The following TBCE variants were observed in gnomAD, a reference collection of about 807,000 sequenced individuals.
TBCE encodes tubulin-specific chaperone E.
Under a neutral mutation model 77.0 loss-of-function variants are expected in TBCE, and 53 were observed. The ratio of observed to expected loss-of-function variants is 0.69; its 90% CI spans 0.55 to 0.87. TBCE has a LOEUF of 0.87. TBCE is among the 40% of genes least tolerant of loss of function. TBCE has a pLI of 0.00. For missense variants in TBCE, 624 were observed against 622.4 expected, an observed-to-expected ratio of 1.00 and a Z score of -0.03; for synonymous variants, 235 against 241.3, an observed-to-expected ratio of 0.97 and a Z score of 0.24.
At chr1:235,438,644 A>T in intron 12 of TBCE, 125 bp from the exon 13 acceptor site, 1 of 1,117,386 alleles carries the variant, frequency 8.9e-7, no homozygotes, top group Non-Finnish European at 1.3e-6. Context: ...TGAAAACTAG[A>T]TCTTGTCCCT....
intron 4 of TBCE, chr1:235,418,383 G>A (rs1421596120): frequency 6.6e-6 from 1 of 152,212 alleles, no homozygotes; most frequent in African/African-American, 2.4e-5. Flanking sequence ...AGGAGATGGT[G>A]GAATTGGGAT....
intron 2 of TBCE, among the ~76,000 whole-genome samples, chr1:235,396,397 G>A (rs1678721272): frequency 6.6e-6 from 1 of 152,180 alleles, no homozygotes; most frequent in Non-Finnish European, 1.5e-5. Context: ...TCTGTTGATG[G>A]ACACTTAGGT....
At chr1:235,438,276 G>A (rs1444003981) in intron 12 of TBCE, among the ~76,000 whole-genome samples, 3 of 152,292 alleles carry the variant, frequency 2.0e-5, no homozygotes, top group African/African-American at 4.8e-5. Flanking sequence ...GGCCAGGCAC[G>A]GTGGCTGACA....
At chr1:235,406,023 G>A (rs1387242304) in intron 3 of TBCE, among the ~76,000 whole-genome samples, 1 of 152,186 alleles carries the variant, frequency 6.6e-6, no homozygotes, top group East Asian at 1.9e-4. Flanking sequence ...ATATCGTCTA[G>A]TGTTGTGTTG....
chr1:235,410,941 GAA>G (rs1158361816), intron 3 of TBCE, among the ~76,000 whole-genome samples: 1 of 152,162 alleles, frequency 6.6e-6, no homozygotes, highest in Non-Finnish European at 1.5e-5. Flanking sequence ...TTCAGTTTAA[GAA>G]AACATTTAGT....
At chr1:235,426,073 T>C (rs1448293693) in intron 5 of TBCE, among the ~76,000 whole-genome samples, 1 of 152,184 alleles carries the variant, frequency 6.6e-6, no homozygotes, top group African/African-American at 2.4e-5. Flanking sequence ...ACGAGTGCAT[T>C]GAATAATTTC....
At position 235,439,676 on chromosome 1, in the gene TBCE, C is replaced by T. The variant is rs193014038; in HGVS notation, c.1270+754C>T. Among the ~76,000 whole-genome samples the T allele has an allele frequency of 1.1e-3, 168 of 151,056 alleles. 1 individual carries two copies. The highest frequency in any genetic ancestry group is 6.9e-3 in the Middle Eastern group (2 of 290). On this transcript the variant is annotated intron_variant, in intron 13 of 16. Coordinates refer to ENST00000642610, the MANE Select transcript of TBCE (RefSeq NM_003193.5). ...CTAATTTTTGTATTTTTAGTAGAGA[C>T]GGGGTTTCACCATATTGGCCAGGCT... is the stretch of plus-strand genomic sequence containing the variant.
At chr1:235,376,108 A>G (rs1417299883) in intron 1 of TBCE, among the ~76,000 whole-genome samples, 1 of 152,134 alleles carries the variant, frequency 6.6e-6, no homozygotes, top group African/African-American at 2.4e-5. Context: ...CTTAGACCTT[A>G]TACCTAATGA....
At chr1:235,436,727 T>A (rs916581847) in intron 11 of TBCE, 119 bp downstream of exon 11, 1 of 996,596 alleles carries the variant, frequency 1.0e-6, no homozygotes, top group African/African-American at 1.6e-5. Flanking sequence ...GAGAAATACC[T>A]CCTCAGAGTG....
chr1:235,385,884 C>T (rs911063007), intron 2 of TBCE, among the ~76,000 whole-genome samples: 3 of 152,038 alleles, frequency 2.0e-5, no homozygotes, highest in Non-Finnish European at 2.9e-5. Flanking sequence ...TTATTTTGCT[C>T]GTTAGTTGAT....
At chr1:235,432,621 G>T (rs999236394) in intron 7 of TBCE, among the ~76,000 whole-genome samples, 4 of 152,094 alleles carry the variant, frequency 2.6e-5, no homozygotes, top group Non-Finnish European at 4.4e-5. Context: ...CTCCAGCCTG[G>T]GTGACAGAGC....
chr1:235,424,282 G>T (rs1221386516), intron 5 of TBCE, among the ~76,000 whole-genome samples: 3 of 151,478 alleles, frequency 2.0e-5, no homozygotes, highest in Non-Finnish European at 2.9e-5. Context: ...GCGGGTGGTG[G>T]CTGTCACTGC....
intron 3 of TBCE, among the ~76,000 whole-genome samples, chr1:235,412,721 A>G (rs1352692777): frequency 6.6e-6 from 1 of 152,206 alleles, no homozygotes; most frequent in Non-Finnish European, 1.5e-5. Context: ...ATCACTGTGA[A>G]CCCACATCTT....
Position 235,427,140 on chromosome 1 carries a change from A to C in TBCE, c.461A>C (p.Asn154Thr), listed in dbSNP as rs1385042309. 5.6e-6 allele frequency: 9 copies of C among 1,602,928 alleles called. No homozygotes were observed. Reference protein sequence around the residue: ...EKGGVAEACPNIRKVDLSKNL... With the variant: ...EKGGVAEACPTIRKVDLSKNL... ...ACTGTTTCTTAACATGTGCTTTTAG[A>C]TATCAGAAAGGTAGATTTGTCAAAA... Residue 154 changes from asparagine (N) to threonine (T), a missense_variant and splice_region_variant, in exon 6 of 17, where the codon AAT (asparagine) becomes ACT (threonine). By Grantham distance (65) the Asn-to-Thr change is moderately conservative. Coordinates refer to ENST00000642610, the MANE Select transcript of TBCE (RefSeq NM_003193.5).
Position 235,450,220 on chromosome 1 carries a change from A to G in TBCE, c.*1458A>G. On this transcript the variant is annotated 3_prime_UTR_variant, in exon 17 of 17. Transcript: ENST00000642610. ...TCAAGTCCCTGTTATCTTGCTTGACATCGACAAGGATCACCGCACCGTTCC... is the reference window on the plus strand; with the variant it reads ...TCAAGTCCCTGTTATCTTGCTTGACGTCGACAAGGATCACCGCACCGTTCC... The G allele has an allele frequency of 6.2e-7, 1 of 1,614,120 alleles. No individual in the cohort carries two copies. The highest frequency in any genetic ancestry group is 8.5e-7 in the Non-Finnish European group (1 of 1,180,018).
At chr1:235,386,568 C>G (rs1678019000) in intron 2 of TBCE, among the ~76,000 whole-genome samples, 1 of 152,180 alleles carries the variant, frequency 6.6e-6, no homozygotes, top group South Asian at 2.1e-4. Flanking sequence ...ATCACTGATA[C>G]CCTTTCTTCC....
Position 235,380,038 on chromosome 1 carries a change from G to A in TBCE, c.-12G>A, listed in dbSNP as rs372353488. 43 of 1,606,006 alleles carry A rather than the reference G, an allele frequency of 2.7e-5. No individual in the cohort carries two copies. In the African/African-American group the frequency reaches 5.1e-4, roughly 19 times the overall value. On this transcript the variant is annotated 5_prime_UTR_variant, in exon 2 of 17. Coordinates refer to ENST00000642610, the MANE Select transcript of TBCE (RefSeq NM_003193.5). ...TCCTAGATCTCATATTTTGGATTCTGGATATATTATAATGAGTGACACTTT... is the reference window on the plus strand; with the variant it reads ...TCCTAGATCTCATATTTTGGATTCTAGATATATTATAATGAGTGACACTTT...
intron 4 of TBCE, chr1:235,416,168 C>CAAAAAAAAAAA (rs36124968): frequency 2.1e-5 from 2 of 93,680 alleles, no homozygotes; most frequent in African/African-American, 4.2e-5. Flanking sequence ...GACTCTGTCT[C>CAAAAAAAAAAA]AAAAAAAAAA....
intron 5 of TBCE, among the ~76,000 whole-genome samples, chr1:235,419,779 C>T (rs1420395584): frequency 6.6e-6 from 1 of 152,168 alleles, no homozygotes; most frequent in African/African-American, 2.4e-5. Flanking sequence ...AGTTTCTACA[C>T]CGGGCTCCTT....
Sources: gnomAD v4.1 joint callset for allele counts (sites outside exome capture counted in the v4.1 genomes callset) on GRCh38, gnomAD v4.1.1 for gene constraint, MANE v1.5 for transcripts, NCBI Gene and HGNC (gene_info 2026-07-23, HGNC 2026-07-21) for gene names.